SEMA3A: variants seen among roughly 807,000 people sequenced by gnomAD.
SEMA3A encodes the protein semaphorin-3A.
In SEMA3A, 29 loss-of-function variants were observed where a neutral mutation model predicts 97.9. The observed-to-expected ratio is 0.30, with a 90% confidence interval of 0.22 to 0.40. The LOEUF is 0.40. Among genes scored for constraint, SEMA3A ranks in the 10% least tolerant of loss-of-function variants. The pLI is 1.00. For synonymous variants in SEMA3A, 321 were observed against 323.7 expected (o/e 0.99, Z 0.09); for missense variants, 763 against 951.3 (o/e 0.80, Z 2.60).
chr7:84,077,366 T>C (rs1435376305), intron 4 of SEMA3A, among the ~76,000 whole-genome samples: 1 of 152,108 alleles, frequency 6.6e-6, no homozygotes, highest in Admixed American at 6.5e-5. Flanking sequence ...TTTTTACCAC[T>C]TCTTTTTATA....
At chr7:84,176,616 C>T (rs1254814438) in intron 1 of SEMA3A, among the ~76,000 whole-genome samples, 2 of 152,212 alleles carry the variant, frequency 1.3e-5, no homozygotes, top group East Asian at 3.9e-4. Flanking sequence ...AGTTTAACAT[C>T]TAAAACTTGA....
intron 3 of SEMA3A, among the ~76,000 whole-genome samples, chr7:84,292,687 G>C (rs1321274150): frequency 2.0e-5 from 3 of 151,948 alleles, no homozygotes; most frequent in Non-Finnish European, 4.4e-5. Flanking sequence ...TACCACAGAG[G>C]ATAACATTAG....
At chr7:84,470,584 C>T (rs1361669760) in intron 1 of SEMA3A, among the ~76,000 whole-genome samples, 1 of 152,070 alleles carries the variant, frequency 6.6e-6, no homozygotes, top group Admixed American at 6.6e-5. Context: ...GAATGTAAAA[C>T]TGTGACTGTC....
intron 3 of SEMA3A, among the ~76,000 whole-genome samples, chr7:84,263,861 C>A (rs529423722): frequency 6.6e-6 from 1 of 152,212 alleles, no homozygotes; most frequent in African/African-American, 2.4e-5. Context: ...TGCACTCCAA[C>A]CTAAATTATA....
intron 6 of SEMA3A, among the ~76,000 whole-genome samples, chr7:84,021,250 G>A (rs1284770594): frequency 1.3e-5 from 2 of 151,368 alleles, no homozygotes; most frequent in African/African-American, 2.4e-5. Flanking sequence ...CTTATCTACT[G>A]TCTTTATAAG....
In SEMA3A at chr7:84,226,751, C is replaced by T. The variant is rs931596938; in HGVS notation, c.-82-32083G>A. Among the ~76,000 whole-genome samples the T allele has an allele frequency of 5.9e-5, 9 of 152,102 alleles. 1 individual carries two copies. The highest frequency in any genetic ancestry group is 1.3e-4 in the Admixed American group (2 of 15,238). On this transcript the variant is annotated intron_variant, in intron 3 of 3. Transcript: ENST00000424555. ...TATCCAACACTCACTCCACAGTAACCAATATCTGAAGTTCAAAAAGCAAGA... is the reference window on the plus strand; with the variant it reads ...TATCCAACACTCACTCCACAGTAACTAATATCTGAAGTTCAAAAAGCAAGA...
intron 1 of SEMA3A, among the ~76,000 whole-genome samples, chr7:84,471,061 T>C (rs1035005793): frequency 6.6e-6 from 1 of 152,102 alleles, no homozygotes; most frequent in African/African-American, 2.4e-5. Flanking sequence ...ATTTTAATTA[T>C]GTATTTCAGC....
At chr7:84,061,617 T>A (rs760182457) in intron 4 of SEMA3A, among the ~76,000 whole-genome samples, 1 of 152,358 alleles carries the variant, frequency 6.6e-6, no homozygotes, top group South Asian at 2.1e-4. Context: ...ACCATCTTGG[T>A]ATATTAAATG....
Position 84,194,527 on chromosome 7 carries a change from T to A in SEMA3A, c.60A>T (p.Ala20=), listed in dbSNP as rs1185467473. Residue 20 remains alanine (A), a synonymous_variant, in exon 1 of 17, where the codon GCA becomes GCT. Coordinates refer to ENST00000265362, the MANE Select transcript of SEMA3A (RefSeq NM_006080.3). ...CATTGTTCTTCCCATTCTGATAGTT[T>A]GCTCTTGCTGTAAGTAATACTCCCC... The part of the protein sequence containing the change: ...LFWGVLLTAR[A]NYQNGKNNVP... 5.0e-6 allele frequency: 8 copies of A among 1,613,444 alleles called. No individual in the cohort carries two copies. The highest frequency in any genetic ancestry group is 1.3e-5 in the African/African-American group (1 of 74,904).
intron 1 of SEMA3A, among the ~76,000 whole-genome samples, chr7:84,394,714 T>C (rs1386622518): frequency 6.6e-6 from 1 of 152,142 alleles, no homozygotes; most frequent in African/African-American, 2.4e-5. Context: ...CATATGTTAT[T>C]GAAGTTTTGA....
At chr7:84,271,210 CA>C (rs1800144144) in intron 3 of SEMA3A, among the ~76,000 whole-genome samples, 1 of 151,762 alleles carries the variant, frequency 6.6e-6, no homozygotes, top group South Asian at 2.1e-4. Flanking sequence ...TTTTTTGAGA[CA>C]AAGTCTCACT....
intron 2 of SEMA3A, among the ~76,000 whole-genome samples, chr7:84,131,565 G>A (rs10261415): frequency 4.2e-4 from 64 of 152,074 alleles, no homozygotes; most frequent in East Asian, 3.9e-4. Flanking sequence ...TTTTTGCCTC[G>A]AAGAGGGATT....
intron 6 of SEMA3A, among the ~76,000 whole-genome samples, chr7:84,034,797 T>C (rs535769229): frequency 1.3e-5 from 2 of 151,792 alleles, no homozygotes; most frequent in South Asian, 2.1e-4. Context: ...GTCTTTTTTT[T>C]CCCCTTATTT....
chr7:84,322,386 G>T (rs955488852), intron 2 of SEMA3A, among the ~76,000 whole-genome samples: 7 of 151,822 alleles, frequency 4.6e-5, no homozygotes, highest in Admixed American at 2.6e-4. Flanking sequence ...TTTAATTATG[G>T]ATATGGCTTG....
chr7:84,278,067 T>A (rs1800353726), intron 3 of SEMA3A, among the ~76,000 whole-genome samples: 1 of 152,140 alleles, frequency 6.6e-6, no homozygotes, highest in Non-Finnish European at 1.5e-5. Flanking sequence ...TGAGTATTGG[T>A]TGTTAGGAGC....
intron 1 of SEMA3A, among the ~76,000 whole-genome samples, chr7:84,379,401 C>T (rs1268308024): frequency 2.0e-5 from 3 of 152,122 alleles, no homozygotes; most frequent in Middle Eastern, 3.4e-3. Context: ...ATGAAGTATA[C>T]GTTTATAAGG....
At chr7:84,390,041 G>A (rs987393637) in intron 1 of SEMA3A, among the ~76,000 whole-genome samples, 5 of 152,114 alleles carry the variant, frequency 3.3e-5, no homozygotes, top group Middle Eastern at 3.4e-3. Context: ...TGACAGTCTT[G>A]TTTCCACATG....
chr7:83,972,933 G>T (rs1375538535), intron 15 of SEMA3A, among the ~76,000 whole-genome samples: 3 of 152,076 alleles, frequency 2.0e-5, no homozygotes, highest in Admixed American at 1.3e-4. Context: ...TTCAAAAAGG[G>T]TTTATAAAAA....
chr7:84,407,407 T>C (rs1013165437), intron 1 of SEMA3A, among the ~76,000 whole-genome samples: 6 of 152,056 alleles, frequency 3.9e-5, no homozygotes, highest in Non-Finnish European at 5.9e-5. Flanking sequence ...TACAAACAAA[T>C]GGAAGAACAT....
Sources: allele counts gnomAD v4.1 joint callset (sites outside exome capture counted in the v4.1 genomes callset), GRCh38; gene constraint gnomAD v4.1.1; transcripts MANE v1.5; gene names NCBI Gene and HGNC (gene_info 2026-07-23, HGNC 2026-07-21).